PTPRT: variants seen among roughly 807,000 people sequenced by gnomAD.
PTPRT encodes the protein protein tyrosine phosphatase receptor type T.
In PTPRT, 56 loss-of-function variants were observed where a neutral mutation model predicts 176.8. That is an observed-to-expected ratio of 0.32 (90% confidence interval 0.26 to 0.40). PTPRT has a LOEUF of 0.40. PTPRT is among the 10% of genes least tolerant of loss of function. The pLI is 1.00. For missense variants in PTPRT, 1,540 were observed against 1,908.2 expected (o/e 0.81, Z 3.60); for synonymous variants, 783 against 739.0 (o/e 1.06, Z -0.96).
intron 27 of PTPRT, among the ~76,000 whole-genome samples, chr20:42,088,942 A>G (rs975378070): frequency 6.6e-6 from 1 of 152,230 alleles, no homozygotes; most frequent in African/African-American, 2.4e-5. Flanking sequence ...AACAAAAATA[A>G]TAATAGTAAT....
intron 1 of PTPRT, among the ~76,000 whole-genome samples, chr20:42,995,498 A>G (rs1401142210): frequency 1.3e-5 from 2 of 151,724 alleles, no homozygotes; most frequent in Non-Finnish European, 2.9e-5. Flanking sequence ...TCATCCTTAA[A>G]CCCCTCCTAC....
chr20:42,905,711 T>C (rs899019339), intron 1 of PTPRT, among the ~76,000 whole-genome samples: 5 of 152,320 alleles, frequency 3.3e-5, no homozygotes, highest in Admixed American at 3.3e-4. Flanking sequence ...CTGTGGCACA[T>C]ATACACCATG....
chr20:43,143,124 T>G (rs2014068404), intron 1 of PTPRT, among the ~76,000 whole-genome samples: 1 of 152,128 alleles, frequency 6.6e-6, no homozygotes, highest in Non-Finnish European at 1.5e-5. Context: ...GGAACGGTGT[T>G]GATGAGCAGG....
chr20:43,180,500 G>T (rs1265732409), intron 1 of PTPRT, among the ~76,000 whole-genome samples: 5 of 149,946 alleles, frequency 3.3e-5, no homozygotes, highest in African/African-American at 1.2e-4. Flanking sequence ...TTTCACTCTT[G>T]TCTCCCGGGC....
chr20:42,533,035 C>T (rs138270105), intron 7 of PTPRT, among the ~76,000 whole-genome samples: 8 of 152,110 alleles, frequency 5.3e-5, no homozygotes, highest in South Asian at 2.1e-4. Flanking sequence ...ATTGCCTGCT[C>T]GGAAAACAGC....
At chr20:42,642,195 G>C (rs2074772712) in intron 7 of PTPRT, among the ~76,000 whole-genome samples, 1 of 152,170 alleles carries the variant, frequency 6.6e-6, no homozygotes, top group Non-Finnish European at 1.5e-5. Flanking sequence ...AAACCCTTCA[G>C]AGCAGTTCAG....
At chr20:43,118,707 G>T (rs555087961) in intron 1 of PTPRT, among the ~76,000 whole-genome samples, 27 of 152,240 alleles carry the variant, frequency 1.8e-4, no homozygotes, top group African/African-American at 6.5e-4. Context: ...CAAAGTGCTG[G>T]GATTACAGGC....
Position 42,654,525 on chromosome 20 carries a change from T to G in PTPRT, c.1153+23341A>C, listed in dbSNP as rs186883408. ...GGCACGAAACTATTCAAGCGGATGG[T>G]TACTACAGAGAGGGGTAGGGACAAG... On this transcript the variant is annotated intron_variant, in intron 7 of 30. Transcript: ENST00000373187. Among the ~76,000 whole-genome samples, 21 of 152,264 alleles carry G rather than the reference T, an allele frequency of 1.4e-4. No homozygotes were observed. The East Asian group carries it at 4.1e-3, about 29-fold the overall frequency.
the PTPRT span, among the ~76,000 whole-genome samples, chr20:42,053,384 G>C: frequency 6.6e-6 from 1 of 152,122 alleles, no homozygotes; most frequent in African/African-American, 2.4e-5. Context: ...GATGCCTTCT[G>C]TTTCCCCACC....
chr20:42,338,561 C>T (rs975073255), intron 11 of PTPRT, among the ~76,000 whole-genome samples: 5 of 152,134 alleles, frequency 3.3e-5, no homozygotes, highest in Admixed American at 6.5e-5. Context: ...GCAGGGGAGA[C>T]GTTATCTGAG....
chr20:43,067,773 G>A (rs2011125477), intron 1 of PTPRT, among the ~76,000 whole-genome samples: 1 of 151,038 alleles, frequency 6.6e-6, no homozygotes, highest in African/African-American at 2.4e-5. Flanking sequence ...ACCAGCCTGG[G>A]CAACAGAGGG....
chr20:42,603,417 C>CA lies in PTPRT; in HGVS notation c.1153+74448dup, dbSNP rs2073817877. On this transcript the variant is annotated intron_variant, in intron 7 of 30. Coordinates refer to ENST00000373187, the MANE Select transcript of PTPRT (RefSeq NM_007050.6). ...CAAAGGAAATGACAAGTGCAAAACG[C>CA]AAACAGGCAAAAAACTTAGAGGGTT... is the stretch of plus-strand genomic sequence containing the variant. Among the ~76,000 whole-genome samples, 4 of 152,062 alleles carry CA rather than the reference C, an allele frequency of 2.6e-5. No individual in the cohort carries two copies. The South Asian group carries it at 8.3e-4, about 32-fold the overall frequency.
chr20:42,570,616 C>A (rs1190783208), intron 7 of PTPRT, among the ~76,000 whole-genome samples: 1 of 152,122 alleles, frequency 6.6e-6, no homozygotes, highest in East Asian at 1.9e-4. Context: ...TATTTGTCAT[C>A]TTTATATCTC....
chr20:43,106,666 G>GA (rs71193676), intron 1 of PTPRT, among the ~76,000 whole-genome samples: 18,698 of 86,778 alleles, frequency 0.22, 2,088 homozygotes, highest in Non-Finnish European at 0.27. Context: ...CTCAAAAAAA[G>GA]AAAAAAAAAA....
intron 10 of PTPRT, 72 bp from the exon 11 acceptor site, chr20:42,350,802 C>T: frequency 1.8e-6 from 2 of 1,132,444 alleles, no homozygotes; most frequent in East Asian, 4.7e-5. Context: ...CCCCTTGCTG[C>T]CATCCTTAAA....
chr20:42,772,124 T>C (rs889220798), intron 4 of PTPRT, among the ~76,000 whole-genome samples: 1 of 152,088 alleles, frequency 6.6e-6, no homozygotes, highest in Non-Finnish European at 1.5e-5. Context: ...GGTGACGATG[T>C]TGATGAGGAA....
At chr20:42,346,241 G>C (rs1385492808) in intron 11 of PTPRT, among the ~76,000 whole-genome samples, 2 of 152,130 alleles carry the variant, frequency 1.3e-5, no homozygotes, top group African/African-American at 4.8e-5. Context: ...AGTCTTCAGG[G>C]ATCAGGGGAC....
chr20:43,171,820 T>C (rs1028144022), intron 1 of PTPRT, among the ~76,000 whole-genome samples: 2 of 152,136 alleles, frequency 1.3e-5, no homozygotes, highest in African/African-American at 4.8e-5. Context: ...ACCACTGCCA[T>C]TGAGGAACAC....
At chr20:42,306,639 T>G (rs549812889) in intron 12 of PTPRT, among the ~76,000 whole-genome samples, 1 of 152,252 alleles carries the variant, frequency 6.6e-6, no homozygotes, top group East Asian at 1.9e-4. Context: ...AACGGTTACG[T>G]GGGGGCCTCT....
Sources: allele counts gnomAD v4.1 joint callset (sites outside exome capture counted in the v4.1 genomes callset), GRCh38; gene constraint gnomAD v4.1.1; transcripts MANE v1.5; gene names NCBI Gene and HGNC (gene_info 2026-07-23, HGNC 2026-07-21).